Variants in LHFPL6 observed in about 807,000 individuals in gnomAD.
The protein encoded by LHFPL6 is LHFPL tetraspan subfamily member 6 protein.
LHFPL6 carries 9 observed loss-of-function variants against 20.6 expected under a neutral mutation model. The ratio of observed to expected loss-of-function variants is 0.44; its 90% confidence interval spans 0.26 to 0.76. LHFPL6 has a LOEUF of 0.76. Ranked by LOEUF, LHFPL6 falls within the 30% of genes least tolerant of loss-of-function variation. The pLI is 0.20. For missense variants in LHFPL6, 218 were observed against 253.5 expected (o/e 0.86, Z 0.95); for synonymous variants, 105 against 98.7 (o/e 1.06, Z -0.38).
intron 2 of LHFPL6, among the ~76,000 whole-genome samples, chr13:39,437,063 A>G (rs1871976983): frequency 6.6e-6 from 1 of 152,240 alleles, no homozygotes; most frequent in Non-Finnish European, 1.5e-5. Flanking sequence ...AAAGGCTTAC[A>G]TATTCTGGTA....
rs138642861 is a variant in LHFPL6, at chr13:39,387,731, C to G, written c.386-9205G>C. Among the ~76,000 whole-genome samples the G allele has an allele frequency of 3.0e-3, 454 of 152,238 alleles. 2 individuals are homozygous for G. Among genetic ancestry groups the G allele is most frequent in the Non-Finnish European group, 5.3e-3 (362 of 68,006 alleles). On this transcript the variant is annotated intron_variant, in intron 2 of 3. Coordinates refer to ENST00000379589, the MANE Select transcript of LHFPL6 (RefSeq NM_005780.3). ...CCCTCTTCTCCAATGCCTCCCAAAT[C>G]CCCAAGTGTTCACTGTCCCATCTCT... is the stretch of plus-strand genomic sequence containing the variant.
chr13:39,565,665 T>C (rs1321120138), intron 2 of LHFPL6, among the ~76,000 whole-genome samples: 4 of 152,264 alleles, frequency 2.6e-5, no homozygotes, highest in African/African-American at 7.2e-5. Context: ...ATTCTATGTA[T>C]AATCTCGTAA....
intron 2 of LHFPL6, among the ~76,000 whole-genome samples, chr13:39,507,805 G>A (rs112901956): frequency 0.026 from 4,012 of 152,162 alleles, 179 homozygotes; most frequent in African/African-American, 0.091. Flanking sequence ...AGGCTATGCA[G>A]TTTATCCACA....
intron 3 of LHFPL6, among the ~76,000 whole-genome samples, chr13:39,344,982 A>AC (rs1047963610): frequency 1.3e-5 from 2 of 152,186 alleles, no homozygotes; most frequent in Non-Finnish European, 2.9e-5. Flanking sequence ...TTTCTTAATG[A>AC]CATCCAAGTT....
At chr13:39,401,690 C>A (rs774875954) in intron 2 of LHFPL6, among the ~76,000 whole-genome samples, 3 of 152,314 alleles carry the variant, frequency 2.0e-5, no homozygotes, top group Non-Finnish European at 4.4e-5. Flanking sequence ...TGCCAATACT[C>A]CACTACCATA....
intron 2 of LHFPL6, among the ~76,000 whole-genome samples, chr13:39,543,129 T>C (rs557227655): frequency 6.6e-6 from 1 of 152,320 alleles, no homozygotes; most frequent in Admixed American, 6.5e-5. Flanking sequence ...TCCTTCAGTG[T>C]CTGGTTTATT....
In LHFPL6 at chr13:39,390,644, C is replaced by T. The variant is rs188191088; in HGVS notation, c.386-12118G>A. Among the ~76,000 whole-genome samples, 68 of 152,276 alleles carry T rather than the reference C, an allele frequency of 4.5e-4. 3 individuals carry two copies. The highest frequency in any genetic ancestry group is 3.1e-3 in the East Asian group (16 of 5,172). On this transcript the variant is annotated intron_variant, in intron 2 of 3. Coordinates refer to ENST00000379589, the MANE Select transcript of LHFPL6 (RefSeq NM_005780.3). Reference sequence around the variant, plus strand: ...CAGACTTCCCCACTACGCCATATAACCATGGAACACAACTGTACGTGTACT... The same window carrying T: ...CAGACTTCCCCACTACGCCATATAATCATGGAACACAACTGTACGTGTACT...
intron 2 of LHFPL6, among the ~76,000 whole-genome samples, chr13:39,494,778 C>G (rs1869042203): frequency 6.6e-6 from 1 of 152,172 alleles, no homozygotes; most frequent in African/African-American, 2.4e-5. Context: ...GCCACACTTA[C>G]CATACTGACA....
intron 2 of LHFPL6, among the ~76,000 whole-genome samples, chr13:39,599,127 T>C (rs939820265): frequency 4.6e-5 from 7 of 152,192 alleles, no homozygotes; most frequent in Non-Finnish European, 1.0e-4. Context: ...CGTTTAAAGA[T>C]AATCAATAAA....
intron 2 of LHFPL6, among the ~76,000 whole-genome samples, chr13:39,587,697 G>T (rs1431258886): frequency 6.6e-6 from 1 of 151,962 alleles, no homozygotes; most frequent in Non-Finnish European, 1.5e-5. Flanking sequence ...AGATGACGAA[G>T]AGCTAAAAGG....
At chr13:39,503,238 G>A (rs374550655) in intron 2 of LHFPL6, among the ~76,000 whole-genome samples, 1 of 152,082 alleles carries the variant, frequency 6.6e-6, no homozygotes, top group South Asian at 2.1e-4. Flanking sequence ...AAAGGCACTA[G>A]CCTCCCAGCC....
intron 2 of LHFPL6, among the ~76,000 whole-genome samples, chr13:39,436,519 G>C (rs2138409969): frequency 6.6e-6 from 1 of 152,064 alleles, no homozygotes; most frequent in East Asian, 1.9e-4. Context: ...CTTTCTTCCT[G>C]CTCTGATGGC....
chr13:39,565,955 G>A (rs1306925482), intron 2 of LHFPL6, among the ~76,000 whole-genome samples: 1 of 152,164 alleles, frequency 6.6e-6, no homozygotes, highest in African/African-American at 2.4e-5. Context: ...CAAATCAACA[G>A]AAAAACAGTA....
intron 2 of LHFPL6, 140 bp downstream of exon 2, chr13:39,600,692 T>C (rs1367675312): frequency 5.6e-6 from 5 of 896,924 alleles, no homozygotes; most frequent in Non-Finnish European, 7.7e-6. Flanking sequence ...TTTGGCAACC[T>C]ATCATCAAAG....
intron 2 of LHFPL6, among the ~76,000 whole-genome samples, chr13:39,581,786 G>A (rs978312703): frequency 9.2e-5 from 14 of 152,038 alleles, no homozygotes; most frequent in Admixed American, 2.6e-4. Context: ...GTCCACCAGC[G>A]TAGTAACTGT....
At chr13:39,349,157 T>C (rs1384189126) in intron 3 of LHFPL6, among the ~76,000 whole-genome samples, 1 of 152,154 alleles carries the variant, frequency 6.6e-6, no homozygotes, top group Non-Finnish European at 1.5e-5. Flanking sequence ...GAGTCCTTCA[T>C]TTAAGACATG....
chr13:39,525,835 TAAA>T (rs758967166), intron 2 of LHFPL6, among the ~76,000 whole-genome samples: 22 of 151,096 alleles, frequency 1.5e-4, no homozygotes, highest in African/African-American at 5.1e-4. Context: ...ATAATCCTCA[TAAA>T]AAGTCTTGAG....
intron 2 of LHFPL6, among the ~76,000 whole-genome samples, chr13:39,422,508 C>T (rs958055409): frequency 6.7e-6 from 1 of 149,912 alleles, no homozygotes; most frequent in Non-Finnish European, 1.5e-5. Flanking sequence ...ATTGCTTGAA[C>T]CTAGGAGGCG....
intron 2 of LHFPL6, among the ~76,000 whole-genome samples, chr13:39,511,446 T>C (rs1869701727): frequency 1.3e-5 from 2 of 148,188 alleles, no homozygotes; most frequent in South Asian, 4.3e-4. Context: ...TCCTAACCCC[T>C]GTCAATTGAT....
Sources: gnomAD v4.1 joint callset for allele counts (sites outside exome capture counted in the v4.1 genomes callset) on GRCh38, gnomAD v4.1.1 for gene constraint, MANE v1.5 for transcripts, NCBI Gene and HGNC (gene_info 2026-07-23, HGNC 2026-07-21) for gene names.